VPS13B: variants seen among roughly 807,000 people sequenced by gnomAD.
VPS13B encodes the protein intermembrane lipid transfer protein VPS13B.
Under a neutral mutation model 426.4 loss-of-function variants are expected in VPS13B, and 285 were observed. The ratio of observed to expected loss-of-function variants is 0.67; its 90% CI spans 0.61 to 0.74. The LOEUF (loss-of-function observed/expected upper bound fraction) is 0.74. VPS13B is among the 30% of genes least tolerant of loss of function. The pLI is 0.00. For synonymous variants in VPS13B, 1,676 were observed against 1,676.4 expected (o/e 1.00, Z 0.01); for missense variants, 4,537 against 4,782.6 (o/e 0.95, Z 1.51).
chr8:99,219,969 C>T (rs1323488739), intron 17 of VPS13B, among the ~76,000 whole-genome samples: 1 of 152,116 alleles, frequency 6.6e-6, no homozygotes, highest in African/African-American at 2.4e-5. Context: ...TAATGTCTCT[C>T]TATAAGTTTA....
intron 36 of VPS13B, among the ~76,000 whole-genome samples, chr8:99,704,317 A>T (rs1373966506): frequency 2.0e-5 from 3 of 152,170 alleles, no homozygotes; most frequent in Non-Finnish European, 4.4e-5. Flanking sequence ...GTTCCTTTTC[A>T]TGTATTGAAA....
rs59187307 is a variant in VPS13B at position 99,418,455 on chromosome 8, T to TTTTCTTTCTTTCTTTC, written c.3083-13037_3083-13022dup. ...ATGAACAGTTAACACTTTATCATAG[T>TTTTCTTTCTTTCTTTC]TTTCTTTCTTTCTTTCTTTCTTTCT... On this transcript the variant is annotated intron_variant, in intron 21 of 61. Transcript: ENST00000357162. Among the ~76,000 whole-genome samples the TTTTCTTTCTTTCTTTC allele has an allele frequency of 1.0e-3, 127 of 122,742 alleles. 1 individual carries two copies. The highest frequency in any genetic ancestry group is 1.5e-3 in the Non-Finnish European group (91 of 58,846). 80.5% of individuals were successfully genotyped at this position (122,742 alleles called of 152,430 possible). A position where few individuals can be genotyped will look rare whatever the true frequency, so the allele number is the denominator to read the frequency against.
intron 23 of VPS13B, among the ~76,000 whole-genome samples, chr8:99,464,752 C>T (rs1357428500): frequency 3.9e-5 from 6 of 152,150 alleles, no homozygotes; most frequent in Admixed American, 3.9e-4. Context: ...CGCATAGTCT[C>T]ACTGGTTGTT....
At chr8:99,442,235 A>G (rs1245353980) in intron 22 of VPS13B, among the ~76,000 whole-genome samples, 166 bp from the exon 23 acceptor site, 2 of 152,214 alleles carry the variant, frequency 1.3e-5, no homozygotes, top group East Asian at 3.8e-4. Context: ...ACAAGAGTAA[A>G]CAATACCTTT....
intron 3 of VPS13B, among the ~76,000 whole-genome samples, chr8:99,094,283 A>T (rs1284759295): frequency 6.6e-6 from 1 of 152,196 alleles, no homozygotes; most frequent in Admixed American, 6.5e-5. Context: ...AAAATTAATA[A>T]TGTGCTTTTA....
chr8:99,622,898 T>A (rs1313985621), intron 33 of VPS13B, among the ~76,000 whole-genome samples: 1 of 152,164 alleles, frequency 6.6e-6, no homozygotes, highest in Non-Finnish European at 1.5e-5. Flanking sequence ...CTTCACTGTT[T>A]GTCTCTCTTC....
At chr8:99,343,162 C>T (rs1227948369) in intron 19 of VPS13B, among the ~76,000 whole-genome samples, 4 of 151,316 alleles carry the variant, frequency 2.6e-5, no homozygotes, top group African/African-American at 4.9e-5. Context: ...GGCACAATCT[C>T]GGCTCACTGC....
At chr8:99,309,357 T>A (rs1049791616) in intron 19 of VPS13B, among the ~76,000 whole-genome samples, 1 of 152,200 alleles carries the variant, frequency 6.6e-6, no homozygotes, top group African/African-American at 2.4e-5. Context: ...TTAATTTTTG[T>A]ATAAGGTGTA....
At chr8:99,654,031 GATTATT>G (rs200884439) in intron 34 of VPS13B, among the ~76,000 whole-genome samples, 48 of 149,854 alleles carry the variant, frequency 3.2e-4, no homozygotes, top group South Asian at 1.5e-3. Context: ...TGATGATGAT[GATTATT>G]ATTATTATTA....
intron 54 of VPS13B, among the ~76,000 whole-genome samples, chr8:99,838,285 G>T (rs1380273702): frequency 6.6e-6 from 1 of 152,144 alleles, no homozygotes. Context: ...GACAAAAACA[G>T]TCTTTAGGTG....
At chr8:99,439,255 A>T (rs758413035) in intron 22 of VPS13B, among the ~76,000 whole-genome samples, 1 of 152,196 alleles carries the variant, frequency 6.6e-6, no homozygotes, top group Non-Finnish European at 1.5e-5. Context: ...TTGAGTACAT[A>T]GTACATGCAC....
intron 19 of VPS13B, among the ~76,000 whole-genome samples, chr8:99,283,607 T>A (rs1819277276): frequency 6.6e-6 from 1 of 152,192 alleles, no homozygotes; most frequent in South Asian, 2.1e-4. Flanking sequence ...TTGGGAGTTT[T>A]GATGGTAGAT....
rs1045389239 is a variant in VPS13B at position 99,861,790 on chromosome 8, A to G, written c.11059A>G (p.Ile3687Val). 3.8e-6 allele frequency: 6 copies of G among 1,595,754 alleles called. No individual in the cohort carries two copies. The highest frequency in any genetic ancestry group is 1.3e-5 in the African/African-American group (1 of 74,802). The change falls in exon 58 of 62, where the codon ATC (isoleucine) becomes GTC (valine). Residue 3687 changes from isoleucine (I) to valine (V), a missense_variant. Around this residue, in one of 2 missense-constraint regions of VPS13B, gnomAD observed 4,311 missense variants for 4,474.3 expected, o/e 0.96. Transcript: ENST00000357162. ...KHISKGTLTS[I>V]TNLATSLARN... is the part of the protein sequence containing the mutation. ...TGTTCCCTCAGGTACCCTCACATCC[A>G]TCACCAACCTCGCCACAAGCCTGGC...
At chr8:99,799,333 C>CATT (rs1205140408) in intron 43 of VPS13B, 1 of 152,122 alleles carries the variant, frequency 6.6e-6, no homozygotes, top group Non-Finnish European at 1.5e-5. Flanking sequence ...TCCCTTCAGG[C>CATT]ATTAGTTCAT....
chr8:99,780,611 C>T (rs1811972433), intron 42 of VPS13B, among the ~76,000 whole-genome samples: 2 of 152,168 alleles, frequency 1.3e-5, no homozygotes, highest in South Asian at 4.1e-4. Context: ...TAGCATATTG[C>T]TGACAGGTAC....
At chr8:99,572,176 A>G (rs985846536) in intron 31 of VPS13B, among the ~76,000 whole-genome samples, 2 of 152,230 alleles carry the variant, frequency 1.3e-5, no homozygotes, top group South Asian at 2.1e-4. Flanking sequence ...AACGAAACAT[A>G]AATGTATTAT....
intron 3 of VPS13B, among the ~76,000 whole-genome samples, chr8:99,043,356 C>G (rs1348472300): frequency 6.6e-6 from 1 of 152,008 alleles, no homozygotes; most frequent in Non-Finnish European, 1.5e-5. Flanking sequence ...TAATCAGTCT[C>G]TATTAATTGA....
chr8:99,513,909 C>A (rs1470550304), intron 29 of VPS13B, among the ~76,000 whole-genome samples: 1 of 152,110 alleles, frequency 6.6e-6, no homozygotes, highest in African/African-American at 2.4e-5. Context: ...AGCGGCTCCT[C>A]AATGTGGGCA....
chr8:99,078,740 A>G (rs1304439445), intron 3 of VPS13B, among the ~76,000 whole-genome samples: 1 of 152,074 alleles, frequency 6.6e-6, no homozygotes, highest in Non-Finnish European at 1.5e-5. Context: ...TGGTAGCAAT[A>G]GCGGTGGCAG....
Sources: allele counts gnomAD v4.1 joint callset (sites outside exome capture counted in the v4.1 genomes callset), GRCh38; gene constraint gnomAD v4.1.1; regional missense constraint gnomAD v4.1.1; transcripts MANE v1.5; gene names NCBI Gene and HGNC (gene_info 2026-07-23, HGNC 2026-07-21).